Variants in NEBL observed in about 807,000 individuals in gnomAD.
NEBL encodes the protein nebulette, also known as LIM and SH3 protein 2.
Under a neutral mutation model 140.2 loss-of-function variants are expected in NEBL, and 122 were observed. The ratio of observed to expected loss-of-function variants is 0.87; its 90% CI spans 0.75 to 1.01. The LOEUF (loss-of-function observed/expected upper bound fraction) is 1.01. NEBL is among the 50% of genes least tolerant of loss of function. NEBL has a pLI of 0.00. For missense variants in NEBL, 1,365 were observed against 1,231.3 expected, an observed-to-expected ratio of 1.11 and a Z score of -1.62; for synonymous variants, 436 against 398.9, an observed-to-expected ratio of 1.09 and a Z score of -1.11.
intron 2 of NEBL, among the ~76,000 whole-genome samples, chr10:21,108,547 T>C (rs1837826049): frequency 6.6e-6 from 1 of 152,218 alleles, no homozygotes; most frequent in African/African-American, 2.4e-5. Flanking sequence ...TGATTTCTGT[T>C]CTTTTACATT....
intron 12 of NEBL, among the ~76,000 whole-genome samples, chr10:20,844,325 A>T (rs546366253): frequency 2.6e-5 from 4 of 151,678 alleles, no homozygotes; most frequent in Non-Finnish European, 5.9e-5. Flanking sequence ...ATGAAATTTC[A>T]TATGTATGTA....
chr10:21,015,034 A>ACAC (rs140454659), intron 3 of NEBL, among the ~76,000 whole-genome samples: 2,589 of 152,340 alleles, frequency 0.017, 68 homozygotes, highest in African/African-American at 0.058. Context: ...CTCATAAATT[A>ACAC]CACATACTCC....
chr10:20,883,350 A>G (rs1846193937), intron 4 of NEBL, among the ~76,000 whole-genome samples: 1 of 152,210 alleles, frequency 6.6e-6, no homozygotes, highest in Admixed American at 6.5e-5. Context: ...TGTTCCAAGG[A>G]TAATTCATCT....
intron 2 of NEBL, among the ~76,000 whole-genome samples, chr10:21,058,584 G>C (rs1007440929): frequency 6.6e-6 from 1 of 151,746 alleles, no homozygotes; most frequent in African/African-American, 2.4e-5. Flanking sequence ...ACTTGTAAAA[G>C]AAACAACATT....
At chr10:21,023,104 C>T (rs1564483356) in intron 2 of NEBL, among the ~76,000 whole-genome samples, 2 of 152,296 alleles carry the variant, frequency 1.3e-5, no homozygotes, top group Admixed American at 6.5e-5. Flanking sequence ...GTAGCAACTA[C>T]GTATGGCTGT....
intron 2 of NEBL, among the ~76,000 whole-genome samples, chr10:20,891,788 T>C (rs1410114220): frequency 1.3e-5 from 2 of 152,310 alleles, no homozygotes; most frequent in African/African-American, 4.8e-5. Flanking sequence ...TCAAGAGAAA[T>C]TGTACAATTT....
rs180914175 is a variant in NEBL, at chr10:21,126,958, G to C, written c.164+45425C>G. 7.4e-4 allele frequency among the ~76,000 whole-genome samples: 101 copies of C among 135,590 alleles called. 2 individuals are homozygous for C. The East Asian group carries it at 0.016, about 21-fold the overall frequency. The allele number at this position is 135,590 out of a possible 152,430, so 89.0% of individuals were successfully genotyped here. ...CCACTACACTCCAGCCTGGGTGACA[G>C]AGGGAGACCCTGTATCAAAAAAAAA... On this transcript the variant is annotated intron_variant, in intron 2 of 6. Transcript: ENST00000417816.
intron 4 of NEBL, among the ~76,000 whole-genome samples, chr10:20,933,637 G>C (rs1313467734): frequency 6.6e-6 from 1 of 152,182 alleles, no homozygotes; most frequent in Non-Finnish European, 1.5e-5. Flanking sequence ...GGGAGGCTGA[G>C]GCAGAAGAAT....
At chr10:21,172,308 T>A (rs145969390) in intron 2 of NEBL, 2 of 1,193,526 alleles carry the variant, frequency 1.7e-6, no homozygotes, top group Non-Finnish European at 2.5e-6. Flanking sequence ...AGTCAGTTCT[T>A]CAAAACAGGC....
intron 1 of NEBL, among the ~76,000 whole-genome samples, chr10:21,254,607 CTAA>C (rs1023463676): frequency 5.3e-5 from 8 of 152,188 alleles, no homozygotes; most frequent in African/African-American, 1.7e-4. Flanking sequence ...CCACATCCAA[CTAA>C]TAATAATGGA....
intron 7 of NEBL, among the ~76,000 whole-genome samples, chr10:20,864,735 A>T (rs1844090029): frequency 6.6e-6 from 1 of 152,186 alleles, no homozygotes; most frequent in African/African-American, 2.4e-5. Flanking sequence ...AGCAAACTAA[A>T]AACTTTAATG....
intron 3 of NEBL, among the ~76,000 whole-genome samples, chr10:21,182,386 G>A (rs763984605): frequency 6.6e-6 from 1 of 152,178 alleles, no homozygotes; most frequent in Non-Finnish European, 1.5e-5. Flanking sequence ...TACGGAAGGA[G>A]GATCGTTTGA....
chr10:21,215,312 T>C (rs1416854352), intron 3 of NEBL, among the ~76,000 whole-genome samples: 1 of 152,100 alleles, frequency 6.6e-6, no homozygotes, highest in Non-Finnish European at 1.5e-5. Flanking sequence ...CTATCTCTTT[T>C]AAAAAGAGTT....
At chr10:21,169,141 C>T (rs1273731090) in intron 2 of NEBL, among the ~76,000 whole-genome samples, 1 of 115,874 alleles carries the variant, frequency 8.6e-6, no homozygotes, top group East Asian at 2.6e-4. Context: ...TATGAAGCAG[C>T]AAACATGGCA....
chr10:21,048,937 G>C (rs554825681), intron 2 of NEBL, among the ~76,000 whole-genome samples: 2 of 152,258 alleles, frequency 1.3e-5, no homozygotes, highest in East Asian at 3.9e-4. Flanking sequence ...TTGAACCCGG[G>C]AGGTGGAGGT....
At chr10:20,954,424 G>A (rs1835681416) in intron 4 of NEBL, among the ~76,000 whole-genome samples, 1 of 152,182 alleles carries the variant, frequency 6.6e-6, no homozygotes, top group Admixed American at 6.5e-5. Flanking sequence ...TCTGAGGGTA[G>A]GAAAACTCAT....
At chr10:21,240,558 G>C (rs1842425620) in intron 3 of NEBL, among the ~76,000 whole-genome samples, 1 of 152,036 alleles carries the variant, frequency 6.6e-6, no homozygotes, top group African/African-American at 2.4e-5. Context: ...CAGGAGAATT[G>C]CTTAAACCCA....
At chr10:21,208,281 G>T (rs1314124651) in intron 3 of NEBL, among the ~76,000 whole-genome samples, 2 of 152,196 alleles carry the variant, frequency 1.3e-5, no homozygotes. Flanking sequence ...TCACTAGTAT[G>T]CAGGACCTGA....
At chr10:21,063,710 A>G (rs1835399618) in intron 2 of NEBL, among the ~76,000 whole-genome samples, 1 of 152,080 alleles carries the variant, frequency 6.6e-6, no homozygotes, top group Admixed American at 6.5e-5. Flanking sequence ...CCTCAGCAAC[A>G]TGGTGAAACC....
Sources: allele counts gnomAD v4.1 joint callset (sites outside exome capture counted in the v4.1 genomes callset), GRCh38; gene constraint gnomAD v4.1.1; transcripts MANE v1.5; gene names NCBI Gene and HGNC (gene_info 2026-07-23, HGNC 2026-07-21).